The following GLDC variants were observed in gnomAD, a reference collection of about 807,000 sequenced individuals.
The protein encoded by GLDC is glycine decarboxylase, also known as glycine dehydrogenase (decarboxylating), mitochondrial.
GLDC carries 104 observed loss-of-function variants against 121.3 expected under a neutral mutation model. The ratio of observed to expected loss-of-function variants is 0.86; its 90% CI spans 0.73 to 1.01. The LOEUF is 1.01. Among genes scored for constraint, GLDC ranks in the 50% least tolerant of loss-of-function variants. GLDC has a pLI of 0.00. For synonymous variants in GLDC, 546 were observed against 480.6 expected, an observed-to-expected ratio of 1.14 and a Z score of -1.78; for missense variants, 1,429 against 1,306.6, an observed-to-expected ratio of 1.09 and a Z score of -1.44.
intron 18 of GLDC, chr9:6,555,007 C>A (rs1817593314): frequency 1.7e-6 from 1 of 600,672 alleles, no homozygotes; most frequent in Admixed American, 2.8e-5. Flanking sequence ...AGCAACTGAC[C>A]ATTTAGTCCA....
At chr9:6,551,560 TGA>T (rs1474134282) in intron 20 of GLDC, among the ~76,000 whole-genome samples, 1 of 152,096 alleles carries the variant, frequency 6.6e-6, no homozygotes, top group Non-Finnish European at 1.5e-5. Flanking sequence ...GTAAAGAGAA[TGA>T]GAGAGCACCA....
rs2129663107 is a variant in GLDC, at chr9:6,540,084, C to T, written c.2632G>A (p.Ala878Thr). 6.2e-7 allele frequency: 1 copy of T among 1,612,992 alleles called. No homozygotes were observed. The highest frequency in any genetic ancestry group is 8.5e-7 in the Non-Finnish European group (1 of 1,179,014). The change falls in exon 22 of 25, where the codon GCT becomes ACT. Residue 878 changes from alanine to threonine, a missense_variant. Ala to Thr is a moderately conservative substitution (Grantham distance 58). Coordinates refer to ENST00000321612, the MANE Select transcript of GLDC (RefSeq NM_000170.3). Reference protein sequence around the residue: ...RPFKKSANIEAVDVAKRLQDY... With the variant: ...RPFKKSANIETVDVAKRLQDY... Reference sequence around the variant, plus strand: ...TGGAGTCTCTTGGCCACATCCACAGCCTCAATATTTGCAGACTTTTTGAAG... The same window carrying T: ...TGGAGTCTCTTGGCCACATCCACAGTCTCAATATTTGCAGACTTTTTGAAG...
In GLDC at chr9:6,536,217, C is replaced by G. The variant is rs1817124683; in HGVS notation, c.2685G>C (p.Met895Ile). 1 of 1,613,828 alleles carries G rather than the reference C, an allele frequency of 6.2e-7. No individual in the cohort carries two copies. The highest frequency in any genetic ancestry group is 1.1e-5 in the South Asian group (1 of 90,996). ...TGAGGGTCCCTGCCACAGGCCAGGA[C>G]ATGGTAGGGGCGTGAAATCCTGCAA... ...LQDYGFHAPTMSWPVAGTLMV... is the reference protein window; with the variant it reads ...LQDYGFHAPTISWPVAGTLMV... Residue 895 changes from methionine to isoleucine, a missense_variant, in exon 23 of 25, where the codon ATG becomes ATC. Met to Ile is a conservative substitution (Grantham distance 10). Coordinates refer to ENST00000321612, the MANE Select transcript of GLDC (RefSeq NM_000170.3).
intron 11 of GLDC, 198 bp downstream of exon 11, chr9:6,591,945 A>C: frequency 1.7e-6 from 1 of 595,768 alleles, no homozygotes; most frequent in Non-Finnish European, 3.0e-6. Flanking sequence ...GCCTGGGTGC[A>C]TAATACTGGC....
intron 20 of GLDC, among the ~76,000 whole-genome samples, chr9:6,552,121 T>A (rs868382418): frequency 1.3e-5 from 2 of 152,108 alleles, no homozygotes; most frequent in Admixed American, 6.6e-5. Context: ...GGTGCGCCTG[T>A]GGAATTGCAG....
intron 21 of GLDC, among the ~76,000 whole-genome samples, chr9:6,549,358 C>T (rs1334498598): frequency 7.7e-4 from 52 of 67,752 alleles, no homozygotes; most frequent in Non-Finnish European, 1.3e-3. Flanking sequence ...GGGGTGGGGT[C>T]GGGGGTGGGC....
At chr9:6,569,557 C>A (rs141112147) in intron 15 of GLDC, among the ~76,000 whole-genome samples, 1 of 151,938 alleles carries the variant, frequency 6.6e-6, no homozygotes, top group African/African-American at 2.4e-5. Flanking sequence ...GGAGCTGAGG[C>A]GGGAGAATTG....
chr9:6,533,235 C>G (rs1221622039), intron 24 of GLDC, 75 bp from the exon 25 acceptor site: 2 of 1,240,146 alleles, frequency 1.6e-6, no homozygotes, highest in Non-Finnish European at 2.4e-6. Context: ...GGTGGCAATG[C>G]TAGTCCCACA....
At chr9:6,637,067 G>C (rs1442827623) in intron 2 of GLDC, among the ~76,000 whole-genome samples, 3 of 151,032 alleles carry the variant, frequency 2.0e-5, no homozygotes, top group South Asian at 4.2e-4. Context: ...CTGGGTGACA[G>C]AGCAGAACTG....
At chr9:6,579,876 C>A (rs1295831017) in intron 15 of GLDC, among the ~76,000 whole-genome samples, 1 of 152,180 alleles carries the variant, frequency 6.6e-6, no homozygotes, top group African/African-American at 2.4e-5. Context: ...CTAAAATTTT[C>A]CCTTTGCTGG....
Position 6,641,491 on chromosome 9 carries a change from G to A in GLDC, c.334+3123C>T, listed in dbSNP as rs139916597. Among the ~76,000 whole-genome samples the A allele has an allele frequency of 2.3e-3, 351 of 152,330 alleles. 1 individual carries two copies. The highest frequency in any genetic ancestry group is 8.0e-3 in the African/African-American group (334 of 41,576). On this transcript the variant is annotated intron_variant, in intron 2 of 24. Coordinates refer to ENST00000321612, the MANE Select transcript of GLDC (RefSeq NM_000170.3). ...GACCTTGCAAAGGACAAAATGAAGA[G>A]AGAGCAAAGTAGTGGATGGAGTGTG...
intron 15 of GLDC, among the ~76,000 whole-genome samples, chr9:6,584,502 G>A (rs1214116058): frequency 2.0e-5 from 3 of 152,156 alleles, no homozygotes; most frequent in African/African-American, 7.2e-5. Flanking sequence ...ACCCACTTGT[G>A]CAGAGATTAG....
intron 9 of GLDC, among the ~76,000 whole-genome samples, 159 bp downstream of exon 9, chr9:6,594,855 G>C (rs931512419): frequency 6.6e-6 from 1 of 150,908 alleles, no homozygotes; most frequent in Non-Finnish European, 1.5e-5. Flanking sequence ...AAGAAAGAAA[G>C]CAAAACAACA....
intron 3 of GLDC, 55 bp from the exon 4 acceptor site, chr9:6,610,411 C>A: frequency 6.4e-7 from 1 of 1,563,564 alleles, no homozygotes; most frequent in Non-Finnish European, 8.8e-7. Context: ...GAGAAGCACA[C>A]AAAATGCTAT....
intron 2 of GLDC, among the ~76,000 whole-genome samples, chr9:6,626,228 G>T (rs1465781921): frequency 6.6e-6 from 1 of 152,048 alleles, no homozygotes; most frequent in Non-Finnish European, 1.5e-5. Flanking sequence ...TGCAGCAGAG[G>T]CCACCTCCTG....
intron 2 of GLDC, chr9:6,639,509 G>A (rs532874634): frequency 2.4e-6 from 2 of 836,122 alleles, no homozygotes; most frequent in Admixed American, 1.7e-5. Context: ...ATGTGGCCAA[G>A]GGCAACACCC....
intron 21 of GLDC, among the ~76,000 whole-genome samples, chr9:6,544,085 T>A (rs4518719): frequency 6.6e-6 from 1 of 152,054 alleles, no homozygotes; most frequent in South Asian, 2.1e-4. Flanking sequence ...AGGCGGCTGC[T>A]GAGGAATAAA....
intron 9 of GLDC, among the ~76,000 whole-genome samples, chr9:6,593,455 CA>C (rs2129855682): frequency 6.6e-6 from 1 of 151,894 alleles, no homozygotes; most frequent in African/African-American, 2.4e-5. Context: ...CATGCCATCA[CA>C]CCTGGCTAAT....
intron 9 of GLDC, among the ~76,000 whole-genome samples, chr9:6,593,918 C>G (rs1587951923): frequency 6.6e-6 from 1 of 152,010 alleles, no homozygotes; most frequent in Non-Finnish European, 1.5e-5. Context: ...GTCTTGAACT[C>G]CTGACCTCAA....
Sources: allele counts gnomAD v4.1 joint callset (sites outside exome capture counted in the v4.1 genomes callset), GRCh38; gene constraint gnomAD v4.1.1; transcripts MANE v1.5; gene names NCBI Gene and HGNC (gene_info 2026-07-23, HGNC 2026-07-21).